Variants in TMEM131 observed in about 807,000 individuals in gnomAD.
TMEM131 encodes transmembrane protein 131.
Under a neutral mutation model 211.6 loss-of-function variants are expected in TMEM131, and 66 were observed. The ratio of observed to expected loss-of-function variants is 0.31; its 90% CI spans 0.26 to 0.38. TMEM131 has a LOEUF of 0.38. Ranked by LOEUF, TMEM131 falls within the 10% of genes least tolerant of loss-of-function variation. TMEM131 has a pLI of 1.00. For synonymous variants in TMEM131, 844 were observed against 841.3 expected, an observed-to-expected ratio of 1.00 and a Z score of -0.06; for missense variants, 2,036 against 2,299.3, an observed-to-expected ratio of 0.89 and a Z score of 2.34.
chr2:97,924,400 G>C (rs961997912), intron 2 of TMEM131, among the ~76,000 whole-genome samples: 1 of 152,180 alleles, frequency 6.6e-6, no homozygotes, highest in African/African-American at 2.4e-5. Context: ...TGTGTGGTCA[G>C]TCAGCTGTGG....
intron 18 of TMEM131, among the ~76,000 whole-genome samples, chr2:97,810,238 TC>T (rs1681491937): frequency 6.6e-6 from 1 of 152,138 alleles, no homozygotes; most frequent in Non-Finnish European, 1.5e-5. Flanking sequence ...CACTGAACAT[TC>T]TAGAGTTAGA....
At chr2:97,875,989 A>G (rs1674678686) in intron 4 of TMEM131, among the ~76,000 whole-genome samples, 1 of 152,222 alleles carries the variant, frequency 6.6e-6, no homozygotes, top group Non-Finnish European at 1.5e-5. Flanking sequence ...AATAGAGAAG[A>G]ATCAAATAGA....
At chr2:97,808,502 C>T (rs1681410605) in intron 19 of TMEM131, among the ~76,000 whole-genome samples, 3 of 152,156 alleles carry the variant, frequency 2.0e-5, no homozygotes, top group African/African-American at 4.8e-5. Flanking sequence ...CATATTCCTG[C>T]CTCCTCTACC....
intron 5 of TMEM131, among the ~76,000 whole-genome samples, chr2:97,847,679 G>C (rs1045987562): frequency 6.6e-6 from 1 of 152,058 alleles, no homozygotes; most frequent in Admixed American, 6.5e-5. Flanking sequence ...ATAGGAAATA[G>C]GATCCTAAAA....
chr2:97,792,352 A>G (rs1680535908), intron 31 of TMEM131, 34 bp downstream of exon 31: 1 of 1,503,956 alleles, frequency 6.6e-7, no homozygotes. Flanking sequence ...TTTCCCTCAC[A>G]CATCACGGAT....
At chr2:97,929,268 C>T (rs1677119510) in intron 1 of TMEM131, among the ~76,000 whole-genome samples, 1 of 151,710 alleles carries the variant, frequency 6.6e-6, no homozygotes, top group Admixed American at 6.6e-5. Context: ...AAAGCTGAAA[C>T]AATCTGAGCA....
intron 3 of TMEM131, among the ~76,000 whole-genome samples, chr2:97,904,684 ATTTTTCCCATCTGC>A (rs754094175): frequency 3.7e-4 from 56 of 151,168 alleles, no homozygotes; most frequent in African/African-American, 4.9e-4. Flanking sequence ...TTTGTTTTCT[ATTTTTCCCATCTGC>A]TTTTTATTCC....
At chr2:97,763,659 C>CG (rs1273074603) in intron 35 of TMEM131, 3 of 152,582 alleles carry the variant, frequency 2.0e-5, no homozygotes, top group Non-Finnish European at 4.4e-5. Flanking sequence ...CCTCTGGCCT[C>CG]GCTCCGCCCC....
intron 5 of TMEM131, among the ~76,000 whole-genome samples, chr2:97,848,113 C>T (rs375336754): frequency 2.0e-5 from 3 of 152,078 alleles, no homozygotes; most frequent in Non-Finnish European, 4.4e-5. Context: ...CTATTAGATA[C>T]GTATTAGAAC....
rs1455580596 is a variant in TMEM131 at position 97,929,520 on chromosome 2, G to A, written c.188-2033C>T. ...ACCTGGCTGTTCCGGTATGACAAAA[G>A]TGGACAGTCAAGCAGCAGAATAAGA... On this transcript the variant is annotated intron_variant, in intron 1 of 40. Transcript: ENST00000186436. 9.9e-5 allele frequency among the ~76,000 whole-genome samples: 15 copies of A among 151,748 alleles called. No homozygotes were observed. In the East Asian group the frequency reaches 2.7e-3, roughly 27 times the overall value.
intron 2 of TMEM131, among the ~76,000 whole-genome samples, chr2:97,912,102 G>T (rs113054280): frequency 2.0e-5 from 3 of 152,080 alleles, no homozygotes; most frequent in Admixed American, 6.6e-5. Flanking sequence ...TCAAAGGTCA[G>T]AGAATGGGCA....
chr2:97,852,126 G>A (rs1303326333), intron 5 of TMEM131, among the ~76,000 whole-genome samples: 1 of 151,336 alleles, frequency 6.6e-6, no homozygotes, highest in Admixed American at 6.6e-5. Context: ...AGCTTTAGTG[G>A]TCTGGATGGA....
chr2:97,782,744 G>A (rs890948498), intron 31 of TMEM131, among the ~76,000 whole-genome samples: 34 of 151,924 alleles, frequency 2.2e-4, no homozygotes, highest in African/African-American at 8.2e-4. Flanking sequence ...GAGGAGACAG[G>A]AAATAATCAG....
chr2:97,780,255 G>C (rs1679934896), intron 31 of TMEM131, among the ~76,000 whole-genome samples: 1 of 152,150 alleles, frequency 6.6e-6, no homozygotes, highest in Admixed American at 6.5e-5. Flanking sequence ...GAGTCACCTG[G>C]AAGAAATGAT....
chr2:97,948,918 A>G (rs1291185131), intron 1 of TMEM131, among the ~76,000 whole-genome samples: 4 of 152,128 alleles, frequency 2.6e-5, no homozygotes, highest in Non-Finnish European at 4.4e-5. Flanking sequence ...CGGCCTCCCA[A>G]AGTGCTGGGA....
At position 97,811,198 on chromosome 2, in the gene TMEM131, C is replaced by G; in HGVS notation, c.1898G>C (p.Arg633Thr). 6.2e-7 allele frequency: 1 copy of G among 1,613,728 alleles called. No homozygotes were observed. The highest frequency in any genetic ancestry group is 8.5e-7 in the Non-Finnish European group (1 of 1,179,740). Residue 633 changes from arginine (R) to threonine (T), a missense_variant, in exon 18 of 41, where the codon AGA (arginine) becomes ACA (threonine). This residue lies in a region of TMEM131 where 1,623 missense variants were observed against 1,805.9 expected (regional missense o/e 0.90). Transcript: ENST00000186436. The part of the protein sequence containing the change: ...TLASGYFAVF[R>T]VKLTAKKLEG... Reference sequence around the variant, plus strand: ...TAATTTTTTTGCAGTAAGTTTGACTCTGAAGACTGCAAAATAGCCTGAAGC... The same window carrying G: ...TAATTTTTTTGCAGTAAGTTTGACTGTGAAGACTGCAAAATAGCCTGAAGC...
At chr2:97,799,377 G>A (rs1022251086) in intron 25 of TMEM131, among the ~76,000 whole-genome samples, 8 of 152,134 alleles carry the variant, frequency 5.3e-5, no homozygotes, top group African/African-American at 1.9e-4. Context: ...TATTTCTACA[G>A]CTACCATGTT....
At chr2:97,820,134 G>A (rs1271006268) in intron 11 of TMEM131, among the ~76,000 whole-genome samples, 1 of 152,178 alleles carries the variant, frequency 6.6e-6, no homozygotes, top group African/African-American at 2.4e-5. Flanking sequence ...GTGGACCTCA[G>A]GCTCTCTTGG....
chr2:97,818,473 CGG>C lies in TMEM131; in HGVS notation c.1183+138_1183+139del, dbSNP rs869139049. The C allele has an allele frequency of 3.6e-4, 20 of 56,102 alleles. 2 individuals carry two copies. The highest frequency in any genetic ancestry group is 9.7e-4 in the Non-Finnish European group (15 of 15,466). 3.5% of individuals were successfully genotyped at this position (56,102 alleles called of 1,614,324 possible). A position where few individuals can be genotyped will look rare whatever the true frequency, so the allele number is the denominator to read the frequency against. The stretch of plus-strand genomic sequence containing the variant: ...CATGATGGTTTACAGCGGGGGGGGG[CGG>C]GGGGGGATCAACCTAAGCAGTAATA... On this transcript the variant is annotated intron_variant, in intron 12 of 40. Coordinates refer to ENST00000186436, the MANE Select transcript of TMEM131 (RefSeq NM_015348.2).
Sources: gnomAD v4.1 joint callset for allele counts (sites outside exome capture counted in the v4.1 genomes callset) on GRCh38, gnomAD v4.1.1 for gene constraint, gnomAD v4.1.1 regional missense constraint, MANE v1.5 for transcripts, NCBI Gene and HGNC (gene_info 2026-07-23, HGNC 2026-07-21) for gene names.